ATP10B: variants seen among roughly 807,000 people sequenced by gnomAD.
ATP10B encodes the protein ATPase phospholipid transporting 10B (putative).
ATP10B carries 122 observed loss-of-function variants against 141.2 expected under a neutral mutation model. That is an observed-to-expected ratio of 0.86 (90% confidence interval 0.75 to 1.00). The LOEUF is 1.00. ATP10B is among the 50% of genes least tolerant of loss of function. The probability of loss-of-function intolerance (pLI) is 0.00; values close to 1 mark genes in which losing one functional copy is unlikely to be tolerated. For synonymous variants in ATP10B, 685 were observed against 692.0 expected, an observed-to-expected ratio of 0.99 and a Z score of 0.16; for missense variants, 1,876 against 1,825.3, an observed-to-expected ratio of 1.03 and a Z score of -0.51.
Position 160,606,977 on chromosome 5 carries a change from G to A in ATP10B, c.2948C>T (p.Pro983Leu). ...AACCACAGCTTCTGAGGTGATGGAT[G>A]GTGTCTTGGAAGGTAAGCGGAATCC... ...LFGFRLPSKTPSITSEAVVPE... is the reference protein window; with the variant it reads ...LFGFRLPSKTLSITSEAVVPE... The change falls in exon 19 of 26, where the codon CCA becomes CTA. Residue 983 changes from proline (P) to leucine (L), a missense_variant. Transcript: ENST00000327245. 6.2e-7 allele frequency: 1 copy of A among 1,614,148 alleles called. No individual in the cohort carries two copies.
In ATP10B at chr5:160,598,948, C is replaced by T. The variant is rs1756918754; in HGVS notation, c.3386G>A (p.Trp1129Ter). The T allele has an allele frequency of 2.5e-6, 4 of 1,613,976 alleles. No homozygotes were observed. Among genetic ancestry groups the T allele is most frequent in the Non-Finnish European group, 3.4e-6 (4 of 1,179,998 alleles). Residue 1129 changes from tryptophan (W) to a stop codon, truncating the protein, a stop_gained, in exon 22 of 26, where the codon TGG becomes TAG. Coordinates refer to ENST00000327245, the MANE Select transcript of ATP10B (RefSeq NM_025153.3). LOFTEE classifies it high-confidence loss of function. The stretch of plus-strand genomic sequence containing the variant: ...GGAGAAACCACAGAAGAACTGATAC[C>T]AGAAGAGCAGGTTGACGTAGCACTG... ...KNVCYVNLLF[W>*]YQFFCGFSSS...
chr5:160,811,803 G>T (rs565152878), intron 1 of ATP10B, among the ~76,000 whole-genome samples: 76 of 152,294 alleles, frequency 5.0e-4, no homozygotes, highest in African/African-American at 1.8e-3. Context: ...AAACCTGGCT[G>T]CCATTGCCAC....
At chr5:160,807,140 G>A (rs1772834173) in intron 1 of ATP10B, among the ~76,000 whole-genome samples, 3 of 152,104 alleles carry the variant, frequency 2.0e-5, no homozygotes, top group Non-Finnish European at 4.4e-5. Context: ...AAATTACAAG[G>A]GAGAAATCAA....
intron 7 of ATP10B, among the ~76,000 whole-genome samples, chr5:160,651,368 C>T (rs753661809): frequency 2.0e-5 from 3 of 152,004 alleles, no homozygotes; most frequent in African/African-American, 7.2e-5. Context: ...GGATGAAACA[C>T]AACTTGAGGT....
chr5:160,799,437 C>T (rs564535605), intron 1 of ATP10B, among the ~76,000 whole-genome samples: 5 of 152,328 alleles, frequency 3.3e-5, no homozygotes, highest in East Asian at 3.9e-4. Context: ...CATGTGTTGT[C>T]CCTTGTCCTC....
At chr5:160,736,554 G>A (rs752311573) in intron 2 of ATP10B, among the ~76,000 whole-genome samples, 3 of 152,208 alleles carry the variant, frequency 2.0e-5, no homozygotes, top group Admixed American at 6.5e-5. Flanking sequence ...ATGAGGTCAG[G>A]AGTTCGCCCA....
the ATP10B span, among the ~76,000 whole-genome samples, chr5:160,880,687 A>T: frequency 6.6e-6 from 1 of 152,252 alleles, no homozygotes; most frequent in Non-Finnish European, 1.5e-5. Flanking sequence ...ATATAATACA[A>T]TGGAACAAAG....
chr5:160,672,261 G>A (rs1321259610), intron 6 of ATP10B, among the ~76,000 whole-genome samples: 1 of 152,138 alleles, frequency 6.6e-6, no homozygotes, highest in Non-Finnish European at 1.5e-5. Context: ...ACAGGCGTGA[G>A]CTACTGCTCC....
intron 1 of ATP10B, among the ~76,000 whole-genome samples, chr5:160,810,955 C>T (rs1773113537): frequency 6.6e-6 from 1 of 152,124 alleles, no homozygotes; most frequent in South Asian, 2.1e-4. Flanking sequence ...GAGAAATATT[C>T]AGCCATTATC....
At chr5:160,764,554 G>A (rs1192943152) in intron 2 of ATP10B, among the ~76,000 whole-genome samples, 1 of 151,904 alleles carries the variant, frequency 6.6e-6, no homozygotes, top group Non-Finnish European at 1.5e-5. Flanking sequence ...AGCATAGAAG[G>A]GACATACCTT....
intron 2 of ATP10B, among the ~76,000 whole-genome samples, chr5:160,749,469 C>A (rs568783854): frequency 2.0e-5 from 3 of 152,162 alleles, no homozygotes; most frequent in African/African-American, 7.2e-5. Flanking sequence ...AACACCTGTT[C>A]CAGTTTCCAC....
intron 6 of ATP10B, among the ~76,000 whole-genome samples, chr5:160,675,059 G>A (rs535258043): frequency 3.9e-5 from 6 of 152,272 alleles, no homozygotes; most frequent in South Asian, 2.1e-4. Context: ...ATGACTGGCC[G>A]AATCCTGCTG....
At chr5:160,717,075 G>T in intron 2 of ATP10B, 41 bp from the exon 3 acceptor site, 2 of 981,396 alleles carry the variant, frequency 2.0e-6, no homozygotes, top group Non-Finnish European at 2.4e-6. Flanking sequence ...GCAACTAACA[G>T]TTCAGTTATA....
At chr5:160,639,357 G>T (rs1759653334) in intron 10 of ATP10B, among the ~76,000 whole-genome samples, 1 of 152,206 alleles carries the variant, frequency 6.6e-6, no homozygotes, top group African/African-American at 2.4e-5. Flanking sequence ...TATGGCCAAA[G>T]GGCTTTGCAG....
chr5:160,731,987 T>C (rs956049427), intron 2 of ATP10B, among the ~76,000 whole-genome samples: 2 of 152,098 alleles, frequency 1.3e-5, no homozygotes, highest in African/African-American at 4.8e-5. Flanking sequence ...GTTGAACAGG[T>C]AAGACCCCCA....
chr5:160,690,726 G>A (rs985003214), intron 3 of ATP10B, among the ~76,000 whole-genome samples: 1 of 152,158 alleles, frequency 6.6e-6, no homozygotes, highest in Admixed American at 6.5e-5. Context: ...GAGAGGATAT[G>A]GAGTAATAAG....
intron 24 of ATP10B, among the ~76,000 whole-genome samples, chr5:160,571,904 C>A (rs1754897781): frequency 6.6e-6 from 1 of 152,170 alleles, no homozygotes; most frequent in South Asian, 2.1e-4. Flanking sequence ...GCAGTCCCAG[C>A]TGGGGAGGGA....
At position 160,632,177 on chromosome 5, in the gene ATP10B, C is replaced by A; in HGVS notation, c.1572G>T (p.Met524Ile). 6.2e-7 allele frequency: 1 copy of A among 1,614,204 alleles called. No individual in the cohort carries two copies. Among genetic ancestry groups the A allele is most frequent in the African/African-American group, 1.3e-5 (1 of 75,064 alleles). The change falls in exon 13 of 26, where the codon ATG becomes ATT. Residue 524 changes from methionine to isoleucine, a missense_variant. Transcript: ENST00000327245. ...GAGGCTGTGAGCTTTCACGGTGCCC[C>A]ATAGACCTTTGCCGGTAGTGGCCCT... The part of the protein sequence containing the change: ...PIQGHYRQRS[M>I]GHRESSQPPV...
intron 1 of ATP10B, among the ~76,000 whole-genome samples, chr5:160,789,363 A>ACTCT (rs1771403301): frequency 6.6e-6 from 1 of 152,188 alleles, no homozygotes; most frequent in Non-Finnish European, 1.5e-5. Flanking sequence ...CCCAGATGGT[A>ACTCT]AAGCCTACTC....
Sources: allele counts gnomAD v4.1 joint callset (sites outside exome capture counted in the v4.1 genomes callset), GRCh38; gene constraint gnomAD v4.1.1; transcripts MANE v1.5; gene names NCBI Gene and HGNC (gene_info 2026-07-23, HGNC 2026-07-21).